The following NRXN3 variants were observed in gnomAD, a reference collection of about 807,000 sequenced individuals.
The protein encoded by NRXN3 is neurexin III.
In NRXN3, 32 loss-of-function variants were observed where a neutral mutation model predicts 137.6. That is an observed-to-expected ratio of 0.23 (90% CI 0.18 to 0.31). The LOEUF is 0.31. Ranked by LOEUF, NRXN3 falls within the 10% of genes least tolerant of loss-of-function variation. The probability of loss-of-function intolerance (pLI) is 1.00; values close to 1 mark genes in which losing one functional copy is unlikely to be tolerated. For synonymous variants in NRXN3, 798 were observed against 784.5 expected (o/e 1.02, Z -0.29); for missense variants, 1,574 against 2,062.5 (o/e 0.76, Z 4.59).
chr14:78,279,341 T>C (rs2074074833), intron 3 of NRXN3, among the ~76,000 whole-genome samples: 2 of 152,244 alleles, frequency 1.3e-5, no homozygotes. Context: ...TAGACAAATA[T>C]ATATGCACAC....
chr14:79,415,524 G>A (rs2095483994), intron 15 of NRXN3, among the ~76,000 whole-genome samples: 1 of 152,104 alleles, frequency 6.6e-6, no homozygotes, highest in Admixed American at 6.6e-5. Context: ...AGATTTTTGT[G>A]TCTGTGGGAG....
intron 8 of NRXN3, chr14:78,744,858 T>C (rs2098600001): frequency 6.6e-6 from 1 of 152,130 alleles, no homozygotes; most frequent in Non-Finnish European, 1.5e-5. Flanking sequence ...GGGGCAAGTG[T>C]CAACTAGGAA....
intron 20 of NRXN3, among the ~76,000 whole-genome samples, chr14:79,806,533 A>C (rs1379574065): frequency 1.3e-5 from 2 of 152,134 alleles, no homozygotes; most frequent in African/African-American, 4.8e-5. Context: ...TTTCTTTTTC[A>C]TATTTTTAGG....
intron 15 of NRXN3, among the ~76,000 whole-genome samples, chr14:79,266,561 G>T (rs1310322197): frequency 6.6e-6 from 1 of 152,052 alleles, no homozygotes; most frequent in African/African-American, 2.4e-5. Flanking sequence ...TCCCAGGTTG[G>T]GCAGTACATT....
chr14:79,721,388 C>T, intron 19 of NRXN3, among the ~76,000 whole-genome samples: 1 of 152,014 alleles, frequency 6.6e-6, no homozygotes, highest in South Asian at 2.1e-4. Flanking sequence ...TCAAGAGGTA[C>T]AATGTTATTT....
chr14:78,320,509 A>G (rs770099973), intron 4 of NRXN3, among the ~76,000 whole-genome samples: 11 of 152,260 alleles, frequency 7.2e-5, no homozygotes, highest in Non-Finnish European at 1.5e-4. Flanking sequence ...GAATACTCCA[A>G]ATAAACCCTT....
At position 79,532,427 on chromosome 14, in the gene NRXN3, A is replaced by C. The variant is rs113497332; in HGVS notation, c.3444+65025A>C. 3.4e-3 allele frequency among the ~76,000 whole-genome samples: 517 copies of C among 152,282 alleles called. 2 individuals carry two copies. Among genetic ancestry groups the C allele is most frequent in the African/African-American group, 0.012 (507 of 41,552 alleles). The stretch of plus-strand genomic sequence containing the variant: ...TTCTTTCATGGAGCCCCATAGTTGG[A>C]CCTTCACAAAGGCTTCAAAAGCTAG... On this transcript the variant is annotated intron_variant, in intron 16 of 20. Coordinates refer to ENST00000335750, the MANE Select transcript of NRXN3 (RefSeq NM_001330195.2).
intron 1 of NRXN3, among the ~76,000 whole-genome samples, chr14:78,187,750 C>CG (rs1317496507): frequency 2.7e-5 from 4 of 148,216 alleles, no homozygotes; most frequent in African/African-American, 5.0e-5. Context: ...AAGTGAGAGT[C>CG]GGGGCTAACT....
intron 17 of NRXN3, among the ~76,000 whole-genome samples, chr14:79,680,158 T>C (rs1012461281): frequency 2.0e-5 from 3 of 152,158 alleles, no homozygotes; most frequent in African/African-American, 7.2e-5. Flanking sequence ...TGCTAATCCA[T>C]AAACTTTAAC....
At chr14:78,211,675 G>T (rs904129234) in intron 1 of NRXN3, among the ~76,000 whole-genome samples, 57 of 152,362 alleles carry the variant, frequency 3.7e-4, no homozygotes, top group African/African-American at 1.3e-3. Flanking sequence ...CAATACCAGA[G>T]TGCCACTATT....
chr14:78,282,469 C>T, intron 3 of NRXN3: 1 of 233,808 alleles, frequency 4.3e-6, no homozygotes, highest in East Asian at 9.9e-5. Flanking sequence ...CAGGCTCTGC[C>T]TGCTGATTAG....
chr14:78,414,674 G>T (rs545636452), intron 4 of NRXN3, among the ~76,000 whole-genome samples: 1 of 152,232 alleles, frequency 6.6e-6, no homozygotes, highest in Admixed American at 6.5e-5. Flanking sequence ...CCATTTGATG[G>T]TCCAGAATAA....
chr14:78,537,821 T>C (rs2096550812), intron 4 of NRXN3, among the ~76,000 whole-genome samples: 1 of 152,210 alleles, frequency 6.6e-6, no homozygotes, highest in Non-Finnish European at 1.5e-5. Context: ...TTCAGCTTTC[T>C]ACATATGGCT....
intron 4 of NRXN3, among the ~76,000 whole-genome samples, chr14:78,467,000 A>T (rs1003977024): frequency 3.3e-5 from 5 of 152,230 alleles, no homozygotes; most frequent in African/African-American, 1.2e-4. Flanking sequence ...AGTTAAAAAA[A>T]AGAAAATATT....
rs753486644 is a variant in NRXN3, at chr14:79,331,591, C to G, written c.3263-135630C>G. Among the ~76,000 whole-genome samples the G allele has an allele frequency of 2.4e-4, 36 of 152,154 alleles. 1 individual carries two copies. Among genetic ancestry groups the G allele is most frequent in the South Asian group, 4.1e-4 (2 of 4,820 alleles). Reference sequence around the variant, plus strand: ...TATTGAAATTTTCATTATGGGCAACCCTGAATCTGGAAAAATCCAAGGCAG... The same window carrying G: ...TATTGAAATTTTCATTATGGGCAACGCTGAATCTGGAAAAATCCAAGGCAG... On this transcript the variant is annotated intron_variant, in intron 15 of 20. Transcript: ENST00000335750.
chr14:79,234,293 AATATATATATATATATATATATATATAT>A (rs71131687), intron 15 of NRXN3, among the ~76,000 whole-genome samples: 1,276 of 56,196 alleles, frequency 0.023, 63 homozygotes, highest in Middle Eastern at 0.088. Flanking sequence ...TTCAATGGTA[AATATATATATATATATATATATATATAT>A]ATATATATAT....
intron 8 of NRXN3, among the ~76,000 whole-genome samples, chr14:78,796,420 C>T (rs1157000775): frequency 1.3e-5 from 2 of 152,184 alleles, no homozygotes; most frequent in African/African-American, 2.4e-5. Context: ...TTCCACTCTG[C>T]CTGGAGTCAC....
chr14:79,591,333 C>T (rs2097801521), intron 16 of NRXN3, among the ~76,000 whole-genome samples: 1 of 152,192 alleles, frequency 6.6e-6, no homozygotes, highest in Non-Finnish European at 1.5e-5. Flanking sequence ...CACTAGCTCA[C>T]TCTGAGCCAT....
At chr14:79,533,370 C>A (rs1269006705) in intron 16 of NRXN3, among the ~76,000 whole-genome samples, 2 of 151,988 alleles carry the variant, frequency 1.3e-5, no homozygotes, top group African/African-American at 4.8e-5. Flanking sequence ...TCATTCAGTG[C>A]AAAGTGTCAT....
Sources: allele counts gnomAD v4.1 joint callset (sites outside exome capture counted in the v4.1 genomes callset), GRCh38; gene constraint gnomAD v4.1.1; transcripts MANE v1.5; gene names NCBI Gene and HGNC (gene_info 2026-07-23, HGNC 2026-07-21).